The following KSR1 variants were observed in gnomAD, a reference collection of about 807,000 sequenced individuals.
The protein encoded by KSR1 is kinase suppressor of ras.
A neutral mutation model predicts 92.9 loss-of-function variants in KSR1; 35 were observed. The ratio of observed to expected loss-of-function variants is 0.38; its 90% CI spans 0.29 to 0.50. KSR1 has a LOEUF of 0.50. KSR1 is among the 20% of genes least tolerant of loss of function. The pLI, the probability that KSR1 is intolerant of heterozygous loss-of-function variation, is 0.94. For synonymous variants in KSR1, 467 were observed against 472.6 expected, an observed-to-expected ratio of 0.99 and a Z score of 0.15; for missense variants, 972 against 1,158.5, an observed-to-expected ratio of 0.84 and a Z score of 2.34.
intron 1 of KSR1, among the ~76,000 whole-genome samples, chr17:27,490,760 A>G (rs1290452288): frequency 6.6e-6 from 1 of 152,192 alleles, no homozygotes; most frequent in Non-Finnish European, 1.5e-5. Context: ...TTGAAAATGT[A>G]TGTTCCTTAG....
At chr17:27,545,858 C>T (rs1417785702) in intron 1 of KSR1, among the ~76,000 whole-genome samples, 1 of 152,170 alleles carries the variant, frequency 6.6e-6, no homozygotes, top group African/African-American at 2.4e-5. Flanking sequence ...CAAACGCTGG[C>T]TCAGGCTAAG....
chr17:27,517,521 T>A (rs1250899871), intron 1 of KSR1, among the ~76,000 whole-genome samples: 1 of 152,158 alleles, frequency 6.6e-6, no homozygotes, highest in Admixed American at 6.5e-5. Flanking sequence ...AACTCCTGAT[T>A]CTGAGCTCAA....
At chr17:27,546,738 G>T (rs918799508) in intron 1 of KSR1, among the ~76,000 whole-genome samples, 1 of 152,178 alleles carries the variant, frequency 6.6e-6, no homozygotes, top group Non-Finnish European at 1.5e-5. Context: ...GTCTCACTGG[G>T]CGGGATGGAT....
intron 2 of KSR1, among the ~76,000 whole-genome samples, chr17:27,563,162 A>T (rs778239333): frequency 8.8e-4 from 133 of 151,204 alleles, no homozygotes; most frequent in Admixed American, 2.6e-3. Context: ...CCCTATATCC[A>T]CTCTTTACCC....
At chr17:27,550,974 G>A (rs921163687) in intron 2 of KSR1, among the ~76,000 whole-genome samples, 109 of 152,312 alleles carry the variant, frequency 7.2e-4, no homozygotes, top group African/African-American at 2.6e-3. Flanking sequence ...AACAGCCAAC[G>A]TATCTGGAAG....
intron 2 of KSR1, among the ~76,000 whole-genome samples, chr17:27,569,008 C>T (rs2072198666): frequency 6.6e-6 from 1 of 152,220 alleles, no homozygotes; most frequent in South Asian, 2.1e-4. Flanking sequence ...GTGGCTCACC[C>T]TCCCACGTTC....
chr17:27,586,151 A>T (rs181962504), intron 5 of KSR1, among the ~76,000 whole-genome samples: 1 of 152,318 alleles, frequency 6.6e-6, no homozygotes, highest in East Asian at 1.9e-4. Flanking sequence ...ATGAGGCCCC[A>T]AAAGATGGGA....
chr17:27,506,095 C>T (rs2069369916), intron 1 of KSR1, among the ~76,000 whole-genome samples: 3 of 152,208 alleles, frequency 2.0e-5, no homozygotes, highest in Non-Finnish European at 1.5e-5. Flanking sequence ...TTTCATATTT[C>T]TATGCTCCCT....
At chr17:27,551,351 G>C (rs1471521661) in intron 2 of KSR1, among the ~76,000 whole-genome samples, 1 of 152,164 alleles carries the variant, frequency 6.6e-6, no homozygotes, top group Non-Finnish European at 1.5e-5. Context: ...AGCTCTCATG[G>C]AGTGCGGATT....
At chr17:27,462,533 C>T (rs1207229042) in intron 1 of KSR1, among the ~76,000 whole-genome samples, 1 of 152,194 alleles carries the variant, frequency 6.6e-6, no homozygotes, top group African/African-American at 2.4e-5. Context: ...ACTCTCAGCA[C>T]CATGATGCAG....
chr17:27,526,189 A>G (rs1420301873), intron 1 of KSR1, among the ~76,000 whole-genome samples: 1 of 151,092 alleles, frequency 6.6e-6, no homozygotes. Context: ...GATAATTTTC[A>G]GAAGACTGTA....
chr17:27,501,074 G>T (rs1340994392), intron 1 of KSR1, among the ~76,000 whole-genome samples: 1 of 152,194 alleles, frequency 6.6e-6, no homozygotes, highest in African/African-American at 2.4e-5. Flanking sequence ...GTGGGAGTCT[G>T]TAACAGTAAT....
chr17:27,530,330 G>A (rs769779952), intron 1 of KSR1, among the ~76,000 whole-genome samples: 6 of 151,876 alleles, frequency 4.0e-5, no homozygotes, highest in Admixed American at 2.0e-4. Context: ...CAGTGGTCCC[G>A]GGTACTCAGG....
chr17:27,469,923 C>G (rs982912407), intron 1 of KSR1, among the ~76,000 whole-genome samples: 3 of 151,532 alleles, frequency 2.0e-5, no homozygotes, highest in African/African-American at 7.3e-5. Context: ...ATTTTTGTTC[C>G]TATTCTGAAT....
rs749545610 is a variant in KSR1 at position 27,611,549 on chromosome 17, G to C, written c.2413G>C (p.Glu805Gln). The C allele has an allele frequency of 1.2e-6, 2 of 1,613,926 alleles. No homozygotes were observed. Among genetic ancestry groups the C allele is most frequent in the South Asian group, 2.2e-5 (2 of 91,078 alleles). ...RDWPLKNQAAEASIWQIGSGE... is the reference protein window; with the variant it reads ...RDWPLKNQAAQASIWQIGSGE... ...CTGGCCCTTGAAGAACCAGGCTGCA[G>C]AGGCATCCATCTGGCAGATTGGAAG... The change falls in exon 18 of 21, where the codon GAG becomes CAG. Residue 805 changes from glutamate (E) to glutamine (Q), a missense_variant. By Grantham distance (29) the Glu-to-Gln change is conservative. This residue lies in a region of KSR1 where 260 missense variants were observed against 375.2 expected (regional missense o/e 0.69). Transcript: ENST00000644974.
Position 27,597,259 on chromosome 17 carries a change from G to A in KSR1, c.1300-9G>A. ...AGCCCTGCCATTCCCAACATCTCTG[G>A]TCCTGCAGGAGCACCCTCCGGCCAT... On this transcript the variant is annotated splice_polypyrimidine_tract_variant and intron_variant, in intron 9 of 20. Coordinates refer to ENST00000644974, the MANE Select transcript of KSR1 (RefSeq NM_001394583.1). The A allele has an allele frequency of 6.4e-7, 1 of 1,570,412 alleles. No homozygotes were observed. The highest frequency in any genetic ancestry group is 8.6e-7 in the Non-Finnish European group (1 of 1,158,892).
intron 9 of KSR1, among the ~76,000 whole-genome samples, chr17:27,594,261 T>G (rs2073264432): frequency 6.6e-6 from 1 of 152,088 alleles, no homozygotes; most frequent in South Asian, 2.1e-4. Context: ...TAGGGAGCAG[T>G]ACCATATCAT....
chr17:27,585,886 A>G (rs2072949258), intron 5 of KSR1: 2 of 599,964 alleles, frequency 3.3e-6, no homozygotes, highest in Non-Finnish European at 6.0e-6. Context: ...TGAGAATCAG[A>G]GACCTTGAGC....
chr17:27,473,190 T>C (rs570114595), intron 1 of KSR1, among the ~76,000 whole-genome samples: 1 of 152,242 alleles, frequency 6.6e-6, no homozygotes, highest in Non-Finnish European at 1.5e-5. Flanking sequence ...CAGTAACTGG[T>C]GGAGCTGAAT....
Sources: gnomAD v4.1 joint callset for allele counts (sites outside exome capture counted in the v4.1 genomes callset) on GRCh38, gnomAD v4.1.1 for gene constraint, gnomAD v4.1.1 regional missense constraint, MANE v1.5 for transcripts, NCBI Gene and HGNC (gene_info 2026-07-23, HGNC 2026-07-21) for gene names.